LRP1B: variants seen among roughly 807,000 people sequenced by gnomAD.
The protein encoded by LRP1B is LDL receptor related protein 1B.
LRP1B carries 217 observed loss-of-function variants against 556.6 expected under a neutral mutation model. The ratio of observed to expected loss-of-function variants is 0.39; its 90% CI spans 0.35 to 0.44. The LOEUF (loss-of-function observed/expected upper bound fraction) is 0.44, where lower values mean the gene tolerates loss of function less well. LRP1B is among the 20% of genes least tolerant of loss of function. LRP1B has a pLI of 1.00. For synonymous variants in LRP1B, 2,047 were observed against 1,865.8 expected (o/e 1.10, Z -2.50); for missense variants, 5,053 against 5,620.8 (o/e 0.90, Z 3.23).
At chr2:141,496,925 A>G (rs559511933) in intron 2 of LRP1B, among the ~76,000 whole-genome samples, 87 of 152,160 alleles carry the variant, frequency 5.7e-4, no homozygotes, top group South Asian at 2.9e-3. Flanking sequence ...TGATAGCATG[A>G]AAGTACAAAT....
intron 1 of LRP1B, among the ~76,000 whole-genome samples, chr2:142,055,646 G>C (rs1191962145): frequency 6.6e-6 from 1 of 152,024 alleles, no homozygotes; most frequent in Non-Finnish European, 1.5e-5. Flanking sequence ...CATAACCTAA[G>C]AAAATTTGTT....
Position 141,015,785 on chromosome 2 carries a change from T to G in LRP1B, c.2101A>C (p.Thr701Pro). ...AATGTGTTGGTGTGAAAGTCCAGAG[T>G]TAAACCGTTTGGCCACAGCATCTTT... ...TSKMLWPNGL[T>P]LDFHTNTLYW... Residue 701 changes from threonine (T) to proline (P), a missense_variant, in exon 13 of 91, where the codon ACT becomes CCT. Physicochemically the swap from Thr to Pro is conservative, Grantham distance 38 (BLOSUM62 -1). Around this residue, in one of 5 missense-constraint regions of LRP1B, gnomAD observed 3,619 missense variants for 3,931.9 expected, o/e 0.92. Coordinates refer to ENST00000389484, the MANE Select transcript of LRP1B (RefSeq NM_018557.3). 6.2e-7 allele frequency: 1 copy of G among 1,613,446 alleles called. No homozygotes were observed. Among genetic ancestry groups the G allele is most frequent in the Non-Finnish European group, 8.5e-7 (1 of 1,179,710 alleles).
intron 16 of LRP1B, among the ~76,000 whole-genome samples, chr2:140,991,071 A>G (rs574064814): frequency 6.6e-6 from 1 of 152,238 alleles, no homozygotes; most frequent in South Asian, 2.1e-4. Flanking sequence ...ATAGGGAGAA[A>G]AGCTTTATAT....
chr2:141,592,116 GCT>G (rs1414975754), intron 2 of LRP1B, among the ~76,000 whole-genome samples: 5 of 151,974 alleles, frequency 3.3e-5, no homozygotes, highest in African/African-American at 1.2e-4. Flanking sequence ...TGACTGTGTT[GCT>G]CTCTTTCTCC....
At chr2:140,401,874 G>A (rs190094644) in intron 66 of LRP1B, among the ~76,000 whole-genome samples, 3 of 152,228 alleles carry the variant, frequency 2.0e-5, no homozygotes, top group Non-Finnish European at 4.4e-5. Context: ...GAGGTCCTGA[G>A]TCTGTCCATG....
intron 1 of LRP1B, among the ~76,000 whole-genome samples, chr2:141,870,585 G>A (rs769101150): frequency 6.6e-6 from 1 of 151,912 alleles, no homozygotes; most frequent in African/African-American, 2.4e-5. Flanking sequence ...ATGTAGAATA[G>A]AGACTATATT....
At chr2:141,475,557 A>C (rs748138906) in intron 3 of LRP1B, among the ~76,000 whole-genome samples, 2 of 152,074 alleles carry the variant, frequency 1.3e-5, no homozygotes, top group Non-Finnish European at 2.9e-5. Flanking sequence ...CACGGCCCTA[A>C]ATGGGAACAG....
chr2:140,836,332 A>T (rs1425515375), intron 31 of LRP1B, among the ~76,000 whole-genome samples: 1 of 152,220 alleles, frequency 6.6e-6, no homozygotes, highest in Non-Finnish European at 1.5e-5. Context: ...AGAGTTAATA[A>T]GCATCAAAGC....
intron 2 of LRP1B, among the ~76,000 whole-genome samples, chr2:141,579,742 T>TTTTTTTTTTTTTTTC (rs1686895633): frequency 6.8e-6 from 1 of 147,860 alleles, no homozygotes; most frequent in African/African-American, 2.5e-5. Flanking sequence ...TTTTTTTTTT[T>TTTTTTTTTTTTTTTC]GAGACGGAGT....
rs79365821 is a variant in LRP1B at position 141,109,720 on chromosome 2, A to G, written c.1014-47447T>C. ...AAGATCAAAAGATCAGAAAAAAAGG[A>G]AAGTGAAGACTGTCATGGCCAAAGC... On this transcript the variant is annotated intron_variant, in intron 7 of 90. Transcript: ENST00000389484. Among the ~76,000 whole-genome samples the G allele has an allele frequency of 5.6e-3, 850 of 152,236 alleles. 9 individuals carry two copies. The highest frequency in any genetic ancestry group is 0.019 in the African/African-American group (803 of 41,558).
intron 1 of LRP1B, among the ~76,000 whole-genome samples, chr2:142,103,746 G>A (rs1011862): frequency 0.64 from 97,505 of 151,788 alleles, 31,675 homozygotes; most frequent in East Asian, 0.71. Context: ...CAGAATAGCA[G>A]AATATTTTAA....
intron 41 of LRP1B, among the ~76,000 whole-genome samples, chr2:140,697,453 T>TG: frequency 6.8e-6 from 1 of 147,910 alleles, no homozygotes; most frequent in African/African-American, 2.6e-5. Flanking sequence ...AACACTCTCG[T>TG]TTTTTTCATC....
chr2:142,047,545 T>C (rs1704304468), intron 1 of LRP1B, among the ~76,000 whole-genome samples: 1 of 151,856 alleles, frequency 6.6e-6, no homozygotes, highest in South Asian at 2.1e-4. Flanking sequence ...AAAGATTTAA[T>C]GTCAGAAATA....
At chr2:140,335,569 A>G (rs1302929297) in intron 78 of LRP1B, 46 bp downstream of exon 78, 2 of 1,133,088 alleles carry the variant, frequency 1.8e-6, no homozygotes, top group Non-Finnish European at 1.3e-6. Context: ...ATTTCTAAAA[A>G]GGATATTCAT....
In LRP1B at chr2:141,055,193, A is replaced by G. The variant is rs769794022; in HGVS notation, c.1475T>C (p.Leu492Pro). The G allele has an allele frequency of 6.2e-7, 1 of 1,612,436 alleles. No individual in the cohort carries two copies. Among genetic ancestry groups the G allele is most frequent in the South Asian group, 1.1e-5 (1 of 91,016 alleles). The change falls in exon 10 of 91, where the codon CTC becomes CCC. Residue 492 changes from leucine to proline, a missense_variant. By Grantham distance (98) the Leu-to-Pro change is moderately conservative. Around this residue, in one of 5 missense-constraint regions of LRP1B, gnomAD observed 3,619 missense variants for 3,931.9 expected, o/e 0.92. Coordinates refer to ENST00000389484, the MANE Select transcript of LRP1B (RefSeq NM_018557.3). Reference sequence around the variant, plus strand: ...AGTCCGAGTTTTGTAACTGCTGCTGAGTAGACAGATGTGTGAACAGCCCCC... The same window carrying G: ...AGTCCGAGTTTTGTAACTGCTGCTGGGTAGACAGATGTGTGAACAGCCCCC... ...MPGGCSHICL[L>P]SSSYKTRTCR... is the part of the protein sequence containing the mutation.
intron 83 of LRP1B, among the ~76,000 whole-genome samples, chr2:140,313,916 T>C (rs1684411316): frequency 6.6e-6 from 1 of 151,956 alleles, no homozygotes; most frequent in East Asian, 1.9e-4. Context: ...AATAATTTCA[T>C]TATGAATTAA....
chr2:140,754,086 T>C (rs1573670159), intron 35 of LRP1B, among the ~76,000 whole-genome samples: 2 of 152,082 alleles, frequency 1.3e-5, no homozygotes, highest in South Asian at 2.1e-4. Flanking sequence ...GTAGAAGCAG[T>C]CCATAAGAAT....
At chr2:141,968,793 C>G (rs900695610) in intron 1 of LRP1B, among the ~76,000 whole-genome samples, 2 of 151,638 alleles carry the variant, frequency 1.3e-5, no homozygotes, top group Non-Finnish European at 3.0e-5. Context: ...CAAGTTCACC[C>G]TTAATTGTTT....
chr2:141,162,851 T>C (rs1680095397), intron 7 of LRP1B, among the ~76,000 whole-genome samples: 1 of 152,162 alleles, frequency 6.6e-6, no homozygotes, highest in Non-Finnish European at 1.5e-5. Context: ...TTAATTCATG[T>C]AGAATCTGTG....
Sources: allele counts gnomAD v4.1 joint callset (sites outside exome capture counted in the v4.1 genomes callset), GRCh38; gene constraint gnomAD v4.1.1; regional missense constraint gnomAD v4.1.1; transcripts MANE v1.5; gene names NCBI Gene and HGNC (gene_info 2026-07-23, HGNC 2026-07-21).